The following HECW2 variants were observed in gnomAD, a reference collection of about 807,000 sequenced individuals.
HECW2 encodes E3 ubiquitin-protein ligase HECW2.
Under a neutral mutation model 175.2 loss-of-function variants are expected in HECW2, and 61 were observed. The observed-to-expected ratio is 0.35, with a 90% CI of 0.28 to 0.43. The LOEUF is 0.43. Ranked by LOEUF, HECW2 falls within the 20% of genes least tolerant of loss-of-function variation. HECW2 has a pLI of 1.00. For synonymous variants in HECW2, 671 were observed against 731.0 expected, an observed-to-expected ratio of 0.92 and a Z score of 1.32; for missense variants, 1,524 against 2,000.5, an observed-to-expected ratio of 0.76 and a Z score of 4.54.
chr2:196,283,885 GAATACA>G (rs761921399), intron 14 of HECW2, among the ~76,000 whole-genome samples: 6 of 152,104 alleles, frequency 3.9e-5, no homozygotes, highest in Non-Finnish European at 8.8e-5. Flanking sequence ...AATACAGCCA[GAATACA>G]ATTCCCAATT....
chr2:196,404,141 C>T (rs1187213220), intron 2 of HECW2, among the ~76,000 whole-genome samples: 4 of 152,170 alleles, frequency 2.6e-5, no homozygotes, highest in Non-Finnish European at 5.9e-5. Context: ...AGCTTAGCAA[C>T]TTGTAGTATC....
chr2:196,459,742 A>G (rs1481831162), intron 1 of HECW2, among the ~76,000 whole-genome samples: 1 of 152,164 alleles, frequency 6.6e-6, no homozygotes, highest in African/African-American at 2.4e-5. Flanking sequence ...ATAAGAGACC[A>G]CAGACCACAG....
At chr2:196,351,508 A>G (rs1473296872) in intron 2 of HECW2, among the ~76,000 whole-genome samples, 1 of 152,232 alleles carries the variant, frequency 6.6e-6, no homozygotes, top group Non-Finnish European at 1.5e-5. Context: ...AAACAAAAAA[A>G]GTATCCAAAG....
intron 2 of HECW2, among the ~76,000 whole-genome samples, chr2:196,389,575 A>T (rs56354178): frequency 6.6e-6 from 1 of 152,138 alleles, no homozygotes; most frequent in Admixed American, 6.5e-5. Flanking sequence ...TAACTTGATG[A>T]ATCCCCCACT....
intron 19 of HECW2, among the ~76,000 whole-genome samples, chr2:196,247,627 C>T (rs907295394): frequency 2.0e-5 from 3 of 152,200 alleles, no homozygotes; most frequent in Non-Finnish European, 4.4e-5. Flanking sequence ...CATTGCTAGG[C>T]AGGTCTAAAG....
intron 1 of HECW2, among the ~76,000 whole-genome samples, chr2:196,585,076 C>T (rs1420748809): frequency 6.6e-6 from 1 of 152,156 alleles, no homozygotes; most frequent in Non-Finnish European, 1.5e-5. Context: ...ATTTTCCCTT[C>T]CTTGTTTGTC....
chr2:196,222,770 T>G (rs1687714667), intron 23 of HECW2, among the ~76,000 whole-genome samples: 1 of 152,024 alleles, frequency 6.6e-6, no homozygotes, highest in South Asian at 2.1e-4. Context: ...ATTTCTATAT[T>G]TTAACTTTTT....
At chr2:196,253,600 T>A (rs931877273) in intron 19 of HECW2, among the ~76,000 whole-genome samples, 10 of 152,236 alleles carry the variant, frequency 6.6e-5, no homozygotes, top group African/African-American at 2.4e-4. Flanking sequence ...ATCAAAAAAG[T>A]TCTCTTCACT....
intron 1 of HECW2, among the ~76,000 whole-genome samples, chr2:196,516,592 A>G (rs1230472800): frequency 1.3e-5 from 2 of 152,234 alleles, no homozygotes; most frequent in African/African-American, 4.8e-5. Context: ...TCACAGTATC[A>G]GTCCACAAGG....
At chr2:196,519,437 G>A (rs189958610) in intron 1 of HECW2, among the ~76,000 whole-genome samples, 24 of 152,206 alleles carry the variant, frequency 1.6e-4, no homozygotes, top group Admixed American at 1.4e-3. Flanking sequence ...ATATCAGCAT[G>A]GTAACCCGTC....
chr2:196,550,981 C>A (rs2125483497), intron 1 of HECW2, among the ~76,000 whole-genome samples: 1 of 152,280 alleles, frequency 6.6e-6, no homozygotes, highest in East Asian at 1.9e-4. Flanking sequence ...AGATTTTAAA[C>A]CTTTCATGCC....
chr2:196,315,858 T>C (rs911380887), intron 10 of HECW2: 3 of 152,180 alleles, frequency 2.0e-5, no homozygotes, highest in African/African-American at 7.2e-5. Context: ...AAGACGTGAT[T>C]TATCAACACA....
intron 4 of HECW2, among the ~76,000 whole-genome samples, chr2:196,330,401 G>A (rs1027243403): frequency 6.6e-6 from 1 of 152,154 alleles, no homozygotes; most frequent in African/African-American, 2.4e-5. Flanking sequence ...CAACAGAATT[G>A]AAGGCAGAAT....
At chr2:196,210,377 T>C (rs16847166) in intron 28 of HECW2, among the ~76,000 whole-genome samples, 6,509 of 152,144 alleles carry the variant, frequency 0.043, 175 homozygotes, top group African/African-American at 0.081. Flanking sequence ...GACTTTTTTT[T>C]CCTTCAGAAA....
intron 1 of HECW2, among the ~76,000 whole-genome samples, chr2:196,465,660 T>C (rs1696922176): frequency 6.6e-6 from 1 of 151,402 alleles, no homozygotes; most frequent in African/African-American, 2.4e-5. Flanking sequence ...CCTGTGCTTA[T>C]ATTAAGTTTA....
At chr2:196,445,392 C>G (rs1052793911) in intron 1 of HECW2, among the ~76,000 whole-genome samples, 10 of 152,152 alleles carry the variant, frequency 6.6e-5, no homozygotes, top group African/African-American at 2.2e-4. Context: ...CATCTCCATT[C>G]ACTTGTTTAA....
At chr2:196,338,342 T>TAC (rs1190203748) in intron 3 of HECW2, among the ~76,000 whole-genome samples, 1 of 152,188 alleles carries the variant, frequency 6.6e-6, no homozygotes, top group Non-Finnish European at 1.5e-5. Context: ...ACACTGGTTG[T>TAC]AGTGGTTGCC....
intron 1 of HECW2, among the ~76,000 whole-genome samples, chr2:196,561,633 A>G (rs1198554890): frequency 6.6e-6 from 1 of 151,806 alleles, no homozygotes; most frequent in African/African-American, 2.4e-5. Context: ...TCTCTTTTGT[A>G]CTCTTTCCCT....
chr2:196,508,714 T>A (rs1162757205), intron 1 of HECW2, among the ~76,000 whole-genome samples: 1 of 152,196 alleles, frequency 6.6e-6, no homozygotes, highest in African/African-American at 2.4e-5. Context: ...CCTAAAGGCA[T>A]CTTAGCAGGG....
Sources: gnomAD v4.1 joint callset for allele counts (sites outside exome capture counted in the v4.1 genomes callset) on GRCh38, gnomAD v4.1.1 for gene constraint, MANE v1.5 for transcripts, NCBI Gene and HGNC (gene_info 2026-07-23, HGNC 2026-07-21) for gene names.